Variants in C12orf75 observed in about 807,000 individuals in gnomAD.
C12orf75 encodes the protein overexpressed in colon carcinoma 1 protein.
C12orf75 carries 4 observed loss-of-function variants against 11.4 expected under a neutral mutation model. The observed-to-expected ratio is 0.35, with a 90% confidence interval of 0.17 to 0.80. C12orf75 has a LOEUF of 0.80. Among genes scored for constraint, C12orf75 ranks in the 30% least tolerant of loss-of-function variants. The pLI, the probability that C12orf75 is intolerant of heterozygous loss-of-function variation, is 0.52. For missense variants in C12orf75, 89 were observed against 80.4 expected (o/e 1.11, Z -0.41); for synonymous variants, 30 against 30.0 (o/e 1.00, Z 0.00).
intron 2 of C12orf75, chr12:105,353,541 C>T (rs760034415): frequency 2.6e-5 from 4 of 151,998 alleles, no homozygotes; most frequent in Non-Finnish European, 5.9e-5. Flanking sequence ...GGGTGATTCC[C>T]CACGGAAAAA....
intron 1 of C12orf75, among the ~76,000 whole-genome samples, chr12:105,332,908 T>C (rs554939484): frequency 1.3e-5 from 2 of 148,614 alleles, no homozygotes; most frequent in Non-Finnish European, 3.0e-5. Flanking sequence ...ATCTCTCTTA[T>C]CACCTAAAGG....
At chr12:105,359,044 G>A (rs1892823375) in intron 2 of C12orf75, among the ~76,000 whole-genome samples, 1 of 152,138 alleles carries the variant, frequency 6.6e-6, no homozygotes, top group Admixed American at 6.5e-5. Flanking sequence ...GATTTGTCTT[G>A]ATGTGCCACG....
At chr12:105,334,763 C>T (rs1486174124) in intron 1 of C12orf75, among the ~76,000 whole-genome samples, 2 of 152,206 alleles carry the variant, frequency 1.3e-5, no homozygotes, top group African/African-American at 2.4e-5. Context: ...AGCATGTCTC[C>T]GGACTAGGCA....
intron 2 of C12orf75, 62 bp downstream of exon 2, chr12:105,348,688 G>T: frequency 1.8e-6 from 2 of 1,136,670 alleles, no homozygotes; most frequent in South Asian, 2.9e-5. Flanking sequence ...TGTTTTTCAT[G>T]ATTATGACCT....
At chr12:105,355,143 G>A (rs1453335563) in intron 2 of C12orf75, among the ~76,000 whole-genome samples, 1 of 151,392 alleles carries the variant, frequency 6.6e-6, no homozygotes, top group Non-Finnish European at 1.5e-5. Flanking sequence ...GAGGTTGGAT[G>A]GGTGGTTTTC....
At chr12:105,362,097 G>A (rs550395381) in intron 2 of C12orf75, among the ~76,000 whole-genome samples, 14 of 152,268 alleles carry the variant, frequency 9.2e-5, no homozygotes, top group African/African-American at 3.4e-4. Context: ...AAAAATTGGA[G>A]AGCTCCTGGC....
intron 4 of C12orf75, among the ~76,000 whole-genome samples, chr12:105,367,179 T>G (rs2136152729): frequency 6.6e-6 from 1 of 152,348 alleles, no homozygotes; most frequent in South Asian, 2.1e-4. Context: ...GATATCTTCT[T>G]GCTCAAGGCA....
At chr12:105,348,659 G>A in intron 2 of C12orf75, 33 bp downstream of exon 2, 1 of 1,477,788 alleles carries the variant, frequency 6.8e-7, no homozygotes, top group Admixed American at 2.1e-5. Context: ...TTTATAAGCT[G>A]TCTTTCTGAG....
At chr12:105,366,314 CTG>C in intron 3 of C12orf75, 1 of 290,622 alleles carries the variant, frequency 3.4e-6, no homozygotes, top group Non-Finnish European at 6.3e-6. Flanking sequence ...TAACATGTCA[CTG>C]TATGATATTT....
intron 1 of C12orf75, among the ~76,000 whole-genome samples, chr12:105,331,684 C>T (rs753234827): frequency 1.3e-5 from 2 of 152,040 alleles, no homozygotes; most frequent in East Asian, 3.9e-4. Flanking sequence ...TTCTAGCTTC[C>T]CCGGGCCAGC....
Position 105,330,738 on chromosome 12 carries a change from C to T in C12orf75, c.-154C>T, listed in dbSNP as rs1264337791. ...GCCCGCTGCGCCCCGGGCCGCGTCT[C>T]CCGGCGGTGGGAGGGGGCGGCCCCC... On this transcript the variant is annotated 5_prime_UTR_variant, in exon 1 of 6. Coordinates refer to ENST00000443585, the MANE Select transcript of C12orf75 (RefSeq NM_001145199.2). The T allele has an allele frequency of 1.4e-6, 1 of 707,042 alleles. No individual in the cohort carries two copies. Among genetic ancestry groups the T allele is most frequent in the South Asian group, 7.1e-5 (1 of 14,036 alleles). 43.8% of individuals were successfully genotyped at this position (707,042 alleles called of 1,614,324 possible).
chr12:105,361,578 C>T (rs1439727566), intron 2 of C12orf75, among the ~76,000 whole-genome samples: 1 of 152,176 alleles, frequency 6.6e-6, no homozygotes, highest in Non-Finnish European at 1.5e-5. Flanking sequence ...AGCCTAAAAA[C>T]CTAATAACCT....
At chr12:105,356,613 T>C (rs753883040) in intron 2 of C12orf75, among the ~76,000 whole-genome samples, 4 of 152,202 alleles carry the variant, frequency 2.6e-5, no homozygotes, top group Non-Finnish European at 5.9e-5. Flanking sequence ...AGGTAAGTTG[T>C]AGCAAGGATG....
chr12:105,332,658 G>C (rs1036940981), intron 1 of C12orf75, among the ~76,000 whole-genome samples: 22 of 151,644 alleles, frequency 1.5e-4, no homozygotes, highest in African/African-American at 5.3e-4. Flanking sequence ...TTGAACCTGG[G>C]AGGCGGAGGT....
Position 105,371,206 on chromosome 12 carries a change from T to G in C12orf75, c.*606T>G, listed in dbSNP as rs6797. Reference sequence around the variant, plus strand: ...TCAGAATTTCCTTTTTTAGGAACAATGTGTATTTCATTGCACTATTTAAAA... The same window carrying G: ...TCAGAATTTCCTTTTTTAGGAACAAGGTGTATTTCATTGCACTATTTAAAA... On this transcript the variant is annotated 3_prime_UTR_variant, in exon 6 of 6. Transcript: ENST00000443585. 27,831 of 154,166 alleles carry G rather than the reference T, an allele frequency of 0.18. 2,763 individuals are homozygous for G. Among genetic ancestry groups the G allele is most frequent in the Non-Finnish European group, 0.22 (15,242 of 69,170 alleles). The allele number at this position is 154,166 out of a possible 1,614,324, so 9.5% of individuals were successfully genotyped here. A position where few individuals can be genotyped will look rare whatever the true frequency, so the allele number is the denominator to read the frequency against.
At chr12:105,351,627 A>G (rs1438318331) in intron 2 of C12orf75, among the ~76,000 whole-genome samples, 2 of 152,172 alleles carry the variant, frequency 1.3e-5, no homozygotes, top group Non-Finnish European at 2.9e-5. Flanking sequence ...TGAAGGATGA[A>G]CAAGAGTTCA....
At chr12:105,366,569 T>C in intron 3 of C12orf75, 48 bp from the exon 4 acceptor site, 1 of 913,124 alleles carries the variant, frequency 1.1e-6, no homozygotes, top group Non-Finnish European at 1.7e-6. Context: ...TGTTGCTTCC[T>C]GTAAATAGAT....
intron 1 of C12orf75, among the ~76,000 whole-genome samples, chr12:105,337,945 C>A (rs751843799): frequency 3.9e-5 from 6 of 151,946 alleles, no homozygotes; most frequent in Non-Finnish European, 7.4e-5. Context: ...TCATAGTTAT[C>A]TTGGCTTCCA....
At chr12:105,365,755 G>T (rs902115171) in intron 2 of C12orf75, 52 bp from the exon 3 acceptor site, 1 of 1,323,094 alleles carries the variant, frequency 7.6e-7, no homozygotes, top group African/African-American at 1.5e-5. Context: ...CAAAAATGAA[G>T]TCCCCGACTA....
Sources: gnomAD v4.1 joint callset for allele counts (sites outside exome capture counted in the v4.1 genomes callset) on GRCh38, gnomAD v4.1.1 for gene constraint, MANE v1.5 for transcripts, NCBI Gene and HGNC (gene_info 2026-07-23, HGNC 2026-07-21) for gene names.